Variants in ZFHX3 observed in about 807,000 individuals in gnomAD.
ZFHX3 encodes the protein zinc finger homeobox protein 3.
ZFHX3 carries 42 observed loss-of-function variants against 279.1 expected under a neutral mutation model. That is an observed-to-expected ratio of 0.15 (90% CI 0.12 to 0.19). The LOEUF (loss-of-function observed/expected upper bound fraction) is 0.19. ZFHX3 is among the 10% of genes least tolerant of loss of function. The pLI is 1.00. For missense variants in ZFHX3, 4,981 were observed against 4,754.0 expected, an observed-to-expected ratio of 1.05 and a Z score of -1.40; for synonymous variants, 2,293 against 1,957.8, an observed-to-expected ratio of 1.17 and a Z score of -4.52.
At chr16:73,747,935 G>A (rs74028451) in intron 1 of ZFHX3, among the ~76,000 whole-genome samples, 2,210 of 152,056 alleles carry the variant, frequency 0.015, 60 homozygotes, top group African/African-American at 0.048. Context: ...CTATACCCTC[G>A]CACATAAACT....
intron 5 of ZFHX3, among the ~76,000 whole-genome samples, chr16:73,221,445 G>A (rs2012417082): frequency 6.6e-6 from 1 of 151,958 alleles, no homozygotes. Flanking sequence ...AAATAAAATT[G>A]TGATCTCCTA....
At chr16:73,607,180 C>T (rs1012397632) in intron 2 of ZFHX3, among the ~76,000 whole-genome samples, 1 of 152,158 alleles carries the variant, frequency 6.6e-6, no homozygotes, top group Non-Finnish European at 1.5e-5. Flanking sequence ...AGGCACCTAC[C>T]ACCATGCCTG....
rs367587751 is a variant in ZFHX3, at chr16:73,423,019, G to A, written c.-1291+32984C>T. Among the ~76,000 whole-genome samples, 185 of 152,210 alleles carry A rather than the reference G, an allele frequency of 1.2e-3. 3 individuals are homozygous for A. The highest frequency in any genetic ancestry group is 3.4e-3 in the Middle Eastern group (1 of 294). On this transcript the variant is annotated intron_variant, in intron 3 of 17. Coordinates refer to the ZFHX3 transcript ENST00000641206. The stretch of plus-strand genomic sequence containing the variant: ...TGTCTTCAAATGGTCTTCCCTCTGA[G>A]TCCTAATCTCCCCTTCTTTCTTATA...
intron 1 of ZFHX3, among the ~76,000 whole-genome samples, chr16:73,842,228 G>C (rs1375521276): frequency 6.6e-6 from 1 of 151,416 alleles, no homozygotes; most frequent in Non-Finnish European, 1.5e-5. Context: ...AAAAAAAAAA[G>C]AAAGACAGAA....
intron 2 of ZFHX3, among the ~76,000 whole-genome samples, chr16:73,514,950 G>A (rs1490223545): frequency 6.6e-6 from 1 of 152,140 alleles, no homozygotes; most frequent in South Asian, 2.1e-4. Context: ...CAACTGAGCT[G>A]CCCTTAGCCA....
intron 2 of ZFHX3, among the ~76,000 whole-genome samples, chr16:73,462,487 G>C (rs796547342): frequency 6.6e-6 from 1 of 152,210 alleles, no homozygotes; most frequent in South Asian, 2.1e-4. Flanking sequence ...TCCTTGCCTT[G>C]TTCCTGGTTA....
intron 4 of ZFHX3, among the ~76,000 whole-genome samples, chr16:73,299,286 C>A (rs2014998870): frequency 6.6e-6 from 1 of 152,148 alleles, no homozygotes; most frequent in Non-Finnish European, 1.5e-5. Flanking sequence ...AGAGAAAAAG[C>A]ATTTTCCAGG....
chr16:73,174,433 C>T (rs758158786), intron 5 of ZFHX3, among the ~76,000 whole-genome samples: 1 of 152,104 alleles, frequency 6.6e-6, no homozygotes, highest in Non-Finnish European at 1.5e-5. Flanking sequence ...GAATCTATTC[C>T]GCGACTCTCT....
chr16:73,380,415 T>C (rs963161539), intron 3 of ZFHX3, among the ~76,000 whole-genome samples: 2 of 152,174 alleles, frequency 1.3e-5, no homozygotes, highest in African/African-American at 4.8e-5. Context: ...GCAGAACTAG[T>C]GAAACGCACT....
In ZFHX3 at chr16:73,247,691, CGT is replaced by C. The variant is rs1334803975; in HGVS notation, c.-1104+9354_-1104+9355del. 3.2e-5 allele frequency among the ~76,000 whole-genome samples: 4 copies of C among 125,104 alleles called. No individual in the cohort carries two copies. In the East Asian group the frequency reaches 7.2e-4, roughly 23 times the overall value. 82.1% of individuals were successfully genotyped at this position (125,104 alleles called of 152,430 possible). Reference sequence around the variant, plus strand: ...TCTATGTGCCTGTATGCGGAGTATACGTGTGTGTGTATACTATGTATATAATG... The same window carrying C: ...TCTATGTGCCTGTATGCGGAGTATACGTGTGTGTATACTATGTATATAATG... On this transcript the variant is annotated intron_variant, in intron 5 of 17. Transcript: ENST00000641206.
At chr16:72,941,091 G>A (rs993102818) in intron 3 of ZFHX3, among the ~76,000 whole-genome samples, 10 of 152,234 alleles carry the variant, frequency 6.6e-5, no homozygotes, top group African/African-American at 2.4e-4. Flanking sequence ...TCAACATCTG[G>A]CCAAGTTGCT....
At position 73,386,940 on chromosome 16, in the gene ZFHX3, C is replaced by A. The variant is rs184629991; in HGVS notation, c.-1290-68604G>T. ...GAGTAAATCTGTTAGTGATCTCCCT[C>A]GCATAACCTAGGAATTCTCTCAGGA... On this transcript the variant is annotated intron_variant, in intron 3 of 17. Transcript: ENST00000641206. The A allele has an allele frequency of 2.0e-5, 3 of 152,054 alleles. No individual in the cohort carries two copies. The East Asian group carries it at 5.8e-4, about 29-fold the overall frequency. The allele number at this position is 152,054 out of a possible 1,614,324, so 9.4% of individuals were successfully genotyped here.
At chr16:73,754,302 C>G (rs1334369247) in intron 1 of ZFHX3, among the ~76,000 whole-genome samples, 2 of 152,160 alleles carry the variant, frequency 1.3e-5, no homozygotes, top group African/African-American at 4.8e-5. Context: ...AATATGGTCT[C>G]AATTCAAAAC....
chr16:72,994,503 AC>A, intron 1 of ZFHX3, among the ~76,000 whole-genome samples: 1 of 152,240 alleles, frequency 6.6e-6, no homozygotes, highest in South Asian at 2.1e-4. Context: ...CATTAACAGA[AC>A]CTCAAACCAA....
chr16:73,604,841 TAA>T (rs1239567410), intron 2 of ZFHX3, among the ~76,000 whole-genome samples: 1 of 152,108 alleles, frequency 6.6e-6, no homozygotes, highest in Non-Finnish European at 1.5e-5. Context: ...AGGCTTCCTA[TAA>T]GATACCAGTT....
At chr16:73,050,107 T>C (rs1032841351), upstream of ZFHX3, among the ~76,000 whole-genome samples, 2 of 152,190 alleles carry the variant, frequency 1.3e-5, no homozygotes, top group Non-Finnish European at 2.9e-5. Flanking sequence ...TGCTGCTTTA[T>C]CTTCATTTTT....
chr16:73,240,471 G>C (rs965909908), intron 5 of ZFHX3, among the ~76,000 whole-genome samples: 1 of 151,994 alleles, frequency 6.6e-6, no homozygotes, highest in East Asian at 1.9e-4. Flanking sequence ...TGCCCACCTC[G>C]GCCTCTCAAA....
chr16:73,622,987 G>A (rs555609255), intron 2 of ZFHX3, among the ~76,000 whole-genome samples: 41 of 152,046 alleles, frequency 2.7e-4, no homozygotes, highest in Admixed American at 1.0e-3. Flanking sequence ...AATGTGAGGC[G>A]ATAGATTACA....
intron 4 of ZFHX3, among the ~76,000 whole-genome samples, chr16:72,838,680 G>A (rs1322466656): frequency 2.0e-5 from 3 of 151,846 alleles, no homozygotes; most frequent in Admixed American, 2.0e-4. Flanking sequence ...TGTCAAAACC[G>A]CACAAGAATT....
Sources: allele counts gnomAD v4.1 joint callset (sites outside exome capture counted in the v4.1 genomes callset), GRCh38; gene constraint gnomAD v4.1.1; transcripts MANE v1.5; gene names NCBI Gene and HGNC (gene_info 2026-07-23, HGNC 2026-07-21).